The following FASTKD1 variants were observed in gnomAD, a reference collection of about 807,000 sequenced individuals.
The protein encoded by FASTKD1 is FAST kinase domain-containing protein 1, mitochondrial.
FASTKD1 carries 94 observed loss-of-function variants against 90.9 expected under a neutral mutation model. That is an observed-to-expected ratio of 1.03 (90% CI 0.88 to 1.23). The LOEUF (loss-of-function observed/expected upper bound fraction) is 1.23. FASTKD1 is among the 50% of genes most tolerant of loss of function. The pLI, the probability that FASTKD1 is intolerant of heterozygous loss-of-function variation, is 0.00. For synonymous variants in FASTKD1, 319 were observed against 345.8 expected, an observed-to-expected ratio of 0.92 and a Z score of 0.86; for missense variants, 945 against 993.5, an observed-to-expected ratio of 0.95 and a Z score of 0.66.
chr2:169,568,098 T>C (rs1684063857), intron 3 of FASTKD1, among the ~76,000 whole-genome samples: 1 of 152,198 alleles, frequency 6.6e-6, no homozygotes. Flanking sequence ...GAAATATATC[T>C]GAATTAATAC....
chr2:169,559,496 G>A (rs1469669540), intron 5 of FASTKD1, among the ~76,000 whole-genome samples: 1 of 152,178 alleles, frequency 6.6e-6, no homozygotes, highest in African/African-American at 2.4e-5. Flanking sequence ...ATGGCGCAAT[G>A]TCAGTTCACT....
At chr2:169,542,799 G>T (rs1399911102) in intron 9 of FASTKD1, among the ~76,000 whole-genome samples, 8 of 152,084 alleles carry the variant, frequency 5.3e-5, no homozygotes, top group African/African-American at 1.9e-4. Context: ...ATCTATTAAG[G>T]TTCTTAAGAA....
intron 11 of FASTKD1, 88 bp downstream of exon 11, chr2:169,537,925 T>G (rs1213445500): frequency 8.7e-7 from 1 of 1,153,472 alleles, no homozygotes; most frequent in Non-Finnish European, 1.2e-6. Context: ...GCTCGTGTCA[T>G]GTTTAAGTAT....
At chr2:169,533,967 T>G (rs1163333309) in intron 12 of FASTKD1, among the ~76,000 whole-genome samples, 1 of 151,716 alleles carries the variant, frequency 6.6e-6, no homozygotes, top group Non-Finnish European at 1.5e-5. Flanking sequence ...GCTCAGGAGT[T>G]TAAGACCAGC....
intron 4 of FASTKD1, among the ~76,000 whole-genome samples, chr2:169,561,064 C>T (rs1428306176): frequency 4.0e-5 from 6 of 150,428 alleles, no homozygotes; most frequent in Non-Finnish European, 7.4e-5. Context: ...TTTGGGAGGC[C>T]GAGGTGGGCA....
At chr2:169,557,105 G>A (rs1443024340) in intron 6 of FASTKD1, 82 bp downstream of exon 6, 4 of 867,946 alleles carry the variant, frequency 4.6e-6, no homozygotes, top group South Asian at 1.4e-5. Context: ...GTAGATTAAA[G>A]AAGAAAACCA....
intron 11 of FASTKD1, 104 bp from the exon 12 acceptor site, chr2:169,537,444 GCGCGATCTCAGCTCACTGCAA>G (rs1448583729): frequency 9.8e-5 from 68 of 690,968 alleles, no homozygotes; most frequent in Non-Finnish European, 1.2e-5. Flanking sequence ...GAATGCAACG[GCGCGATCTCAGCTCACTGCAA>G]CCTCTGCCTC....
At chr2:169,539,255 G>A (rs931006984) in intron 10 of FASTKD1, among the ~76,000 whole-genome samples, 1 of 150,424 alleles carries the variant, frequency 6.6e-6, no homozygotes, top group African/African-American at 2.5e-5. Flanking sequence ...CTGGGAAACA[G>A]AGCAAGACTC....
In FASTKD1 at chr2:169,546,708, CA is replaced by C; in HGVS notation, c.1215-5del. 1 of 1,588,132 alleles carries C rather than the reference CA, an allele frequency of 6.3e-7. No homozygotes were observed. Among genetic ancestry groups the C allele is most frequent in the South Asian group, 1.1e-5 (1 of 87,854 alleles). On this transcript the variant is annotated splice_region_variant and splice_polypyrimidine_tract_variant and intron_variant, in intron 7 of 14. Transcript: ENST00000453153. ...TATGAAACTATTTTTCAAATAACTG[CA>C]AAATGAAAAATGAAAAGAATACATC...
intron 11 of FASTKD1, 118 bp downstream of exon 11, chr2:169,537,895 G>T: frequency 1.2e-6 from 1 of 816,328 alleles, no homozygotes; most frequent in Non-Finnish European, 1.9e-6. Context: ...TATTAAACAG[G>T]TCATGGCACT....
rs773499709 is a variant in FASTKD1 at position 169,540,190 on chromosome 2, A to T, written c.1817-11T>A. 1 of 1,530,396 alleles carries T rather than the reference A, an allele frequency of 6.5e-7. No homozygotes were observed. Among genetic ancestry groups the T allele is most frequent in the South Asian group, 1.2e-5 (1 of 82,448 alleles). The allele number at this position is 1,530,396 out of a possible 1,614,324, so 94.8% of individuals were successfully genotyped here. A position where few individuals can be genotyped will look rare whatever the true frequency, so the allele number is the denominator to read the frequency against. ...AAGGATCCAATATACCTAAAAGAAA[A>T]TTAAGATTTTTTTAAAGGTATAGCT... On this transcript the variant is annotated splice_polypyrimidine_tract_variant and intron_variant, in intron 9 of 14. Coordinates refer to ENST00000453153, the MANE Select transcript of FASTKD1 (RefSeq NM_024622.6).
At chr2:169,534,605 G>A (rs567373539) in intron 12 of FASTKD1, among the ~76,000 whole-genome samples, 66 of 151,692 alleles carry the variant, frequency 4.4e-4, no homozygotes, top group Non-Finnish European at 7.5e-4. Context: ...GATTACAGGC[G>A]TGCGCCACCA....
At chr2:169,573,463 G>A (rs1684319200) in intron 1 of FASTKD1, 1 of 152,286 alleles carries the variant, frequency 6.6e-6, no homozygotes, top group Non-Finnish European at 1.5e-5. Context: ...GGGACCCTAA[G>A]GGGTATCTTC....
chr2:169,558,989 T>C (rs1335634660), intron 5 of FASTKD1, among the ~76,000 whole-genome samples: 1 of 151,930 alleles, frequency 6.6e-6, no homozygotes, highest in Non-Finnish European at 1.5e-5. Context: ...TTTTTTTTTT[T>C]TTGAGTCAGA....
At chr2:169,538,166 A>G in intron 10 of FASTKD1, 25 bp from the exon 11 acceptor site, 1 of 1,576,946 alleles carries the variant, frequency 6.3e-7, no homozygotes, top group Non-Finnish European at 8.6e-7. Context: ...ATACTAATGA[A>G]TTTTGATAGC....
At chr2:169,547,510 A>T (rs1308059193) in intron 7 of FASTKD1, among the ~76,000 whole-genome samples, 1 of 152,220 alleles carries the variant, frequency 6.6e-6, no homozygotes, top group Non-Finnish European at 1.5e-5. Flanking sequence ...ACAAAAGGCT[A>T]TAGCAAGAGC....
chr2:169,571,545 CAG>C lies in FASTKD1; in HGVS notation c.377+106_377+107del, dbSNP rs1258825423. 4.9e-6 allele frequency: 4 copies of C among 810,120 alleles called. No homozygotes were observed. In the East Asian group the frequency reaches 8.7e-5, roughly 18 times the overall value. The allele number at this position is 810,120 out of a possible 1,614,324, so 50.2% of individuals were successfully genotyped here. The stretch of plus-strand genomic sequence containing the variant: ...TGCCACTGCACTCCAGCCTGGGCGA[CAG>C]AGACTCCTCAAAAATAAATAAATAA... On this transcript the variant is annotated intron_variant, in intron 2 of 14. Transcript: ENST00000453153.
At chr2:169,547,001 A>G (rs1317027488) in intron 7 of FASTKD1, among the ~76,000 whole-genome samples, 1 of 152,114 alleles carries the variant, frequency 6.6e-6, no homozygotes. Context: ...CTTGGTCTCT[A>G]AGACTAACCT....
In FASTKD1 at chr2:169,531,331, TA is replaced by T; in HGVS notation, c.2327+20del. 6.2e-7 allele frequency: 1 copy of T among 1,610,990 alleles called. No individual in the cohort carries two copies. Among genetic ancestry groups the T allele is most frequent in the African/African-American group, 1.3e-5 (1 of 74,994 alleles). ...TTAACATTTAGATATTAATACAATC[TA>T]AAACTAAGAAATAAATTACCTTTCA... On this transcript the variant is annotated intron_variant, in intron 13 of 14. Transcript: ENST00000453153.
Sources: allele counts gnomAD v4.1 joint callset (sites outside exome capture counted in the v4.1 genomes callset), GRCh38; gene constraint gnomAD v4.1.1; transcripts MANE v1.5; gene names NCBI Gene and HGNC (gene_info 2026-07-23, HGNC 2026-07-21).